ZNF185: variants seen among roughly 807,000 people sequenced by gnomAD.
ZNF185 encodes zinc finger protein 185 with LIM domain.
A neutral mutation model predicts 58.6 loss-of-function variants in ZNF185; 56 were observed. That is an observed-to-expected ratio of 0.95 (90% CI 0.77 to 1.19). The LOEUF is 1.19. Among genes scored for constraint, ZNF185 ranks in the 50% most tolerant of loss-of-function variants. ZNF185 has a pLI of 0.00. For synonymous variants in ZNF185, 230 were observed against 215.9 expected (o/e 1.07, Z -0.57); for missense variants, 627 against 573.5 (o/e 1.09, Z -0.95).
chrX:152,926,676 C>G (rs1231745817), intron 11 of ZNF185, among the ~76,000 whole-genome samples: 1 of 112,117 alleles, frequency 8.9e-6, no homozygotes, highest in Non-Finnish European at 1.9e-5. Flanking sequence ...TCAGCTTGGA[C>G]TGGAGCTGTC....
intron 14 of ZNF185, among the ~76,000 whole-genome samples, chrX:152,935,821 A>C (rs1293257064): frequency 1.8e-5 from 2 of 111,976 alleles, no homozygotes; most frequent in African/African-American, 6.5e-5. Context: ...TGGAGGGCAC[A>C]GGCTTGTATA....
chrX:152,914,531 C>G lies in ZNF185; in HGVS notation c.34+8C>G. Reference sequence around the variant, plus strand: ...TTGGAGGCCGCACCAAAGGTGAGGCCTGGGCTCCCTGGTTTCCCAGGCTCT... The same window carrying G: ...TTGGAGGCCGCACCAAAGGTGAGGCGTGGGCTCCCTGGTTTCCCAGGCTCT... On this transcript the variant is annotated splice_region_variant and intron_variant, in intron 1 of 22. Transcript: ENST00000449285. The G allele has an allele frequency of 1.2e-5, 14 of 1,172,475 alleles. No individual in the cohort carries two copies. Among genetic ancestry groups the G allele is most frequent in the Non-Finnish European group, 1.6e-5 (14 of 874,178 alleles).
chrX:152,970,298 G>A (rs1478561722), intron 21 of ZNF185, 145 bp from the exon 24 acceptor site: 2 of 451,983 alleles, frequency 4.4e-6, no homozygotes, highest in Non-Finnish European at 7.7e-6. Flanking sequence ...GTATTATTTT[G>A]TGATGTTTGC....
intron 16 of ZNF185, among the ~76,000 whole-genome samples, chrX:152,947,926 T>C (rs1367868538): frequency 2.7e-5 from 3 of 111,869 alleles, no homozygotes; most frequent in Non-Finnish European, 5.6e-5. Context: ...GGGATATTAA[T>C]TATTGATCCC....
At chrX:152,945,746 A>G (rs1263695999) in intron 16 of ZNF185, among the ~76,000 whole-genome samples, 6 of 111,710 alleles carry the variant, frequency 5.4e-5, no homozygotes, top group Non-Finnish European at 3.8e-5. Context: ...GGCAGGAAGG[A>G]AGGCTGTCTC....
intron 16 of ZNF185, among the ~76,000 whole-genome samples, chrX:152,959,296 C>T (rs1353757331): frequency 8.9e-6 from 1 of 111,819 alleles, no homozygotes; most frequent in Non-Finnish European, 1.9e-5. Context: ...GCCTGGCCAG[C>T]GCACAGGTCT....
exon 23 of ZNF185, chrX:152,971,538 A>C (rs2050663666): frequency 8.9e-6 from 1 of 112,178 alleles, no homozygotes; most frequent in Admixed American, 9.5e-5. Context: ...TCAACCAAAG[A>C]GGATCAAACA....
intron 15 of ZNF185, among the ~76,000 whole-genome samples, chrX:152,942,179 G>A (rs2047298840): frequency 8.9e-6 from 1 of 112,471 alleles, no homozygotes; most frequent in Non-Finnish European, 1.9e-5. Flanking sequence ...CATCCCGCAG[G>A]GCAGTGGAGC....
At chrX:152,938,894 GGCGATCT>G (rs1169987372) in intron 15 of ZNF185, among the ~76,000 whole-genome samples, 1 of 84,344 alleles carries the variant, frequency 1.2e-5, no homozygotes, top group Non-Finnish European at 2.3e-5. Flanking sequence ...AGGCAACTCA[GGCGATCT>G]CCTCTAAAGA....
At chrX:152,944,707 A>G (rs1556892872) in intron 15 of ZNF185, among the ~76,000 whole-genome samples, 3 of 112,836 alleles carry the variant, frequency 2.7e-5, no homozygotes, top group African/African-American at 9.6e-5. Context: ...GCAAAAGCCA[A>G]AAATTGGAGG....
intron 15 of ZNF185, among the ~76,000 whole-genome samples, chrX:152,942,931 C>A (rs1556891429): frequency 9.0e-6 from 1 of 111,355 alleles, no homozygotes; most frequent in Non-Finnish European, 1.9e-5. Flanking sequence ...CGTAGTGAGA[C>A]CTCATCTCTA....
At chrX:152,898,135 C>T in the ZNF185 span, among the ~76,000 whole-genome samples, 4 of 109,649 alleles carry the variant, frequency 3.6e-5, no homozygotes, top group African/African-American at 1.3e-4. Flanking sequence ...GCGCCTGCCT[C>T]CCCGGCCCGG....
chrX:152,945,351 C>G (rs782501479), exon 16 of ZNF185: 5 of 1,206,567 alleles, frequency 4.1e-6, no homozygotes, highest in Non-Finnish European at 3.4e-6. Flanking sequence ...CAAGAGGTGG[C>G]CAAGGAGACC....
At chrX:152,943,515 C>G (rs190344890) in intron 15 of ZNF185, among the ~76,000 whole-genome samples, 11 of 112,333 alleles carry the variant, frequency 9.8e-5, no homozygotes, top group East Asian at 2.8e-4. Flanking sequence ...ATGAGGAGCT[C>G]GGACAGGATA....
At chrX:152,901,238 CT>C in the ZNF185 span, among the ~76,000 whole-genome samples, 13,867 of 96,001 alleles carry the variant, frequency 0.14, 723 homozygotes, top group African/African-American at 0.21. Flanking sequence ...TTTGTTTTCA[CT>C]TTTTTTTTTT....
intron 14 of ZNF185, 71 bp from the exon 17 acceptor site, chrX:152,938,003 T>A: frequency 9.7e-7 from 1 of 1,035,214 alleles, no homozygotes; most frequent in African/African-American, 1.9e-5. Flanking sequence ...GAAGGCAGCC[T>A]GGAGGGGGAA....
chrX:152,922,787 C>T (rs1242216100), exon 11 of ZNF185: 31 of 1,196,071 alleles, frequency 2.6e-5, no homozygotes, highest in Non-Finnish European at 3.5e-5. Context: ...TATGCCTAGC[C>T]CCGCTGGGAG....
the ZNF185 span, among the ~76,000 whole-genome samples, chrX:152,904,510 C>T: frequency 8.9e-6 from 1 of 112,499 alleles, no homozygotes; most frequent in Non-Finnish European, 1.9e-5. Context: ...GACCTGGCCA[C>T]AGGAGGCTGC....
chrX:152,913,007 C>T (rs1015462392), upstream of ZNF185, among the ~76,000 whole-genome samples: 3 of 112,757 alleles, frequency 2.7e-5, no homozygotes, highest in Non-Finnish European at 3.8e-5. Flanking sequence ...CTGGGCTGCT[C>T]GTTCAGTGCA....
Sources: allele counts gnomAD v4.1 joint callset (sites outside exome capture counted in the v4.1 genomes callset), GRCh38; gene constraint gnomAD v4.1.1; transcripts MANE v1.5; gene names NCBI Gene and HGNC (gene_info 2026-07-23, HGNC 2026-07-21).